Variants in PRPH2 observed in about 807,000 individuals in gnomAD.
PRPH2 encodes the protein peripherin-2.
A neutral mutation model predicts 31.3 loss-of-function variants in PRPH2; 17 were observed. That is an observed-to-expected ratio of 0.54 (90% confidence interval 0.37 to 0.81). The LOEUF is 0.81. Among genes scored for constraint, PRPH2 ranks in the 40% least tolerant of loss-of-function variants. PRPH2 has a pLI of 0.00. For missense variants in PRPH2, 430 were observed against 439.7 expected, an observed-to-expected ratio of 0.98 and a Z score of 0.20; for synonymous variants, 165 against 184.4, an observed-to-expected ratio of 0.89 and a Z score of 0.85.
At chr6:42,706,568 G>A (rs968827312) in intron 1 of PRPH2, among the ~76,000 whole-genome samples, 4 of 146,634 alleles carry the variant, frequency 2.7e-5, no homozygotes, top group African/African-American at 1.0e-4. Flanking sequence ...TCACGCCAGT[G>A]AGACTCTGTC....
intron 1 of PRPH2, among the ~76,000 whole-genome samples, chr6:42,717,445 C>A (rs1250879339): frequency 6.6e-6 from 1 of 151,862 alleles, no homozygotes; most frequent in African/African-American, 2.4e-5. Context: ...ACCTCCCTCT[C>A]CCTGCCCTTT....
At chr6:42,718,625 C>T (rs1175060633) in intron 1 of PRPH2, among the ~76,000 whole-genome samples, 1 of 151,986 alleles carries the variant, frequency 6.6e-6, no homozygotes, top group Non-Finnish European at 1.5e-5. Flanking sequence ...CATTTCAGTT[C>T]TAAGAAATTT....
In PRPH2 at chr6:42,698,384, C is replaced by A. The variant is rs1799985963; in HGVS notation, c.952G>T (p.Ala318Ser). The change falls in exon 3 of 3, where the codon GCC becomes TCC. Residue 318 changes from alanine to serine, a missense_variant. Physicochemically the swap from Ala to Ser is moderately conservative, Grantham distance 99 (BLOSUM62 1). Coordinates refer to ENST00000230381, the MANE Select transcript of PRPH2 (RefSeq NM_000322.5). Reference protein sequence around the residue: ...LERSVPETWKAFLESVKKLGK... With the variant: ...LERSVPETWKSFLESVKKLGK... Reference sequence around the variant, plus strand: ...AGCTTCTTCACACTCTCCAGAAAGGCCTTCCAGGTCTCCGGCACGCTCCTC... The same window carrying A: ...AGCTTCTTCACACTCTCCAGAAAGGACTTCCAGGTCTCCGGCACGCTCCTC... The A allele has an allele frequency of 6.2e-7, 1 of 1,613,926 alleles. No individual in the cohort carries two copies. Among genetic ancestry groups the A allele is most frequent in the Non-Finnish European group, 8.5e-7 (1 of 1,179,812 alleles).
chr6:42,705,602 ATAT>A (rs1800147623), intron 1 of PRPH2, among the ~76,000 whole-genome samples: 9 of 11,810 alleles, frequency 7.6e-4, no homozygotes, highest in South Asian at 4.6e-3. Flanking sequence ...AAAAAAAAAT[ATAT>A]ATATATATAT....
intron 2 of PRPH2, among the ~76,000 whole-genome samples, chr6:42,701,367 C>G (rs572670070): frequency 1.3e-5 from 2 of 152,132 alleles, no homozygotes; most frequent in East Asian, 3.9e-4. Flanking sequence ...CAGGTGATCC[C>G]CCGCCTCGGC....
At position 42,696,860 on chromosome 6, in the gene PRPH2, T is replaced by C. The variant is rs186620989; in HGVS notation, c.*1435A>G. ...AACATCTTGGATCTGGTCTTCTGCTTGGGGGAATTAAGCCCAGAACATACC... is the reference window on the plus strand; with the variant it reads ...AACATCTTGGATCTGGTCTTCTGCTCGGGGGAATTAAGCCCAGAACATACC... On this transcript the variant is annotated 3_prime_UTR_variant, in exon 3 of 3. Transcript: ENST00000230381. 2 of 151,896 alleles carry C rather than the reference T, an allele frequency of 1.3e-5. No homozygotes were observed. The highest frequency in any genetic ancestry group is 1.3e-4 in the Admixed American group (2 of 15,242). 9.4% of individuals were successfully genotyped at this position (151,896 alleles called of 1,614,324 possible).
chr6:42,709,441 T>TTCAC (rs1469610396), intron 1 of PRPH2, among the ~76,000 whole-genome samples: 2 of 151,970 alleles, frequency 1.3e-5, no homozygotes, highest in Non-Finnish European at 2.9e-5. Flanking sequence ...CTTTCATTCA[T>TTCAC]TCACTCACTT....
chr6:42,709,307 G>A (rs1458683147), intron 1 of PRPH2, among the ~76,000 whole-genome samples: 4 of 144,794 alleles, frequency 2.8e-5, no homozygotes, highest in East Asian at 2.0e-4. Context: ...TCCAGCCTGG[G>A]CAACAGAGTG....
rs76754927 is a variant in PRPH2 at position 42,698,019 on chromosome 6, C to G, written c.*276G>C. 4,667 of 479,204 alleles carry G rather than the reference C, an allele frequency of 9.7e-3. 169 individuals carry two copies. Among genetic ancestry groups the G allele is most frequent in the African/African-American group, 0.084 (4,324 of 51,266 alleles). 29.7% of individuals were successfully genotyped at this position (479,204 alleles called of 1,614,324 possible). A position where few individuals can be genotyped will look rare whatever the true frequency, so the allele number is the denominator to read the frequency against. The stretch of plus-strand genomic sequence containing the variant: ...TGGGCTAGTCGTCTGAGACAGCCCC[C>G]GAGTCACCAGGAGGGCATATCCTAG... On this transcript the variant is annotated 3_prime_UTR_variant, in exon 3 of 3. Transcript: ENST00000230381.
At chr6:42,702,204 T>C (rs948915336) in intron 2 of PRPH2, among the ~76,000 whole-genome samples, 12 of 151,016 alleles carry the variant, frequency 7.9e-5, no homozygotes, top group Middle Eastern at 3.2e-3. Context: ...ATCGCGCCAC[T>C]GCACTCCAGC....
At chr6:42,720,274 G>A (rs1218708240) in intron 1 of PRPH2, among the ~76,000 whole-genome samples, 2 of 152,074 alleles carry the variant, frequency 1.3e-5, no homozygotes, top group African/African-American at 2.4e-5. Flanking sequence ...CTCTATGCAG[G>A]AGACAATCAA....
In PRPH2 at chr6:42,704,402, G is replaced by C. The variant is rs768210586; in HGVS notation, c.791C>G (p.Ser264Cys). 5.6e-6 allele frequency: 9 copies of C among 1,610,086 alleles called. No homozygotes were observed. The African/African-American group carries it at 1.1e-4, about 19-fold the overall frequency. Residue 264 changes from serine to cysteine, a missense_variant, in exon 2 of 3, where the codon TCC (serine) becomes TGC (cysteine). By Grantham distance (112) the Ser-to-Cys change is moderately radical (BLOSUM62 -1). Transcript: ENST00000230381. The stretch of plus-strand genomic sequence containing the variant: ...AATGAGGAGCGTGACGACACCCATG[G>C]AGTTCATGAGGCTGCTGTAGTAGCT... Reference protein sequence around the residue: ...LLSYYSSLMNSMGVVTLLIWL... With the variant: ...LLSYYSSLMNCMGVVTLLIWL...
rs1377914950 is a variant in PRPH2, at chr6:42,704,398, C to G, written c.795G>C (p.Met265Ile). 6 of 1,609,820 alleles carry G rather than the reference C, an allele frequency of 3.7e-6. No individual in the cohort carries two copies. Among genetic ancestry groups the G allele is most frequent in the Non-Finnish European group, 5.1e-6 (6 of 1,178,152 alleles). ...LSYYSSLMNS[M>I]GVVTLLIWLF... ...GCCAAATGAGGAGCGTGACGACACCCATGGAGTTCATGAGGCTGCTGTAGT... is the reference window on the plus strand; with the variant it reads ...GCCAAATGAGGAGCGTGACGACACCGATGGAGTTCATGAGGCTGCTGTAGT... Residue 265 changes from methionine to isoleucine, a missense_variant, in exon 2 of 3, where the codon ATG (methionine) becomes ATC (isoleucine). Physicochemically the swap from Met to Ile is conservative, Grantham distance 10. Coordinates refer to ENST00000230381, the MANE Select transcript of PRPH2 (RefSeq NM_000322.5).
At chr6:42,715,107 G>C (rs1408443947) in intron 1 of PRPH2, among the ~76,000 whole-genome samples, 1 of 152,166 alleles carries the variant, frequency 6.6e-6, no homozygotes, top group Non-Finnish European at 1.5e-5. Context: ...TACTCAGGAA[G>C]TTGAGGCAGG....
chr6:42,705,958 C>A (rs1163130883), intron 1 of PRPH2, among the ~76,000 whole-genome samples: 35 of 134,360 alleles, frequency 2.6e-4, no homozygotes, highest in South Asian at 7.1e-4. Context: ...GACCCCGTCT[C>A]AAAAAAAAAA....
intron 1 of PRPH2, among the ~76,000 whole-genome samples, chr6:42,710,408 GTC>G: frequency 6.6e-6 from 1 of 152,294 alleles, no homozygotes; most frequent in East Asian, 1.9e-4. Context: ...ACCTGCCTGG[GTC>G]ACCAGCCTGG....
chr6:42,706,975 CT>C (rs34162811), intron 1 of PRPH2, among the ~76,000 whole-genome samples: 29,298 of 122,828 alleles, frequency 0.24, 2,096 homozygotes, highest in East Asian at 0.41. Flanking sequence ...TCTTGGAGAT[CT>C]TTTTTTTTTT....
chr6:42,715,579 G>A (rs1761761870), intron 1 of PRPH2, among the ~76,000 whole-genome samples: 1 of 152,048 alleles, frequency 6.6e-6, no homozygotes, highest in Non-Finnish European at 1.5e-5. Context: ...GCTGAGGCAG[G>A]AGAATCTCTT....
intron 1 of PRPH2, among the ~76,000 whole-genome samples, chr6:42,711,174 T>C (rs149963711): frequency 1.2e-3 from 179 of 152,046 alleles, no homozygotes; most frequent in African/African-American, 4.1e-3. Flanking sequence ...CCCTCATGAG[T>C]AGATTAATGC....
Sources: gnomAD v4.1 joint callset for allele counts (sites outside exome capture counted in the v4.1 genomes callset) on GRCh38, gnomAD v4.1.1 for gene constraint, MANE v1.5 for transcripts, NCBI Gene and HGNC (gene_info 2026-07-23, HGNC 2026-07-21) for gene names.